Variants in DCP2 observed in about 807,000 individuals in gnomAD.
The protein encoded by DCP2 is m7GpppN-mRNA hydrolase.
DCP2 carries 30 observed loss-of-function variants against 56.1 expected under a neutral mutation model. That is an observed-to-expected ratio of 0.53 (90% CI 0.40 to 0.73). The LOEUF (loss-of-function observed/expected upper bound fraction) is 0.73, where lower values mean the gene tolerates loss of function less well. Among genes scored for constraint, DCP2 ranks in the 30% least tolerant of loss-of-function variants. The pLI, the probability that DCP2 is intolerant of heterozygous loss-of-function variation, is 0.00. For synonymous variants in DCP2, 197 were observed against 163.3 expected (o/e 1.21, Z -1.57); for missense variants, 533 against 502.7 (o/e 1.06, Z -0.58).
Position 113,008,049 on chromosome 5 carries a change from G to A in DCP2, c.1047+7G>A. On this transcript the variant is annotated splice_region_variant and intron_variant, in intron 9 of 10. Coordinates refer to ENST00000389063, the MANE Select transcript of DCP2 (RefSeq NM_152624.6). ...GCAGCAGAATTCTTTGATGGTAAGA[G>A]TTATAGCTGTCACACTAAGTAGGCA... is the stretch of plus-strand genomic sequence containing the variant. 5 of 1,610,422 alleles carry A rather than the reference G, an allele frequency of 3.1e-6. No individual in the cohort carries two copies. Among genetic ancestry groups the A allele is most frequent in the Non-Finnish European group, 4.2e-6 (5 of 1,177,120 alleles).
At chr5:112,991,328 G>A (rs1454020071) in intron 2 of DCP2, among the ~76,000 whole-genome samples, 1 of 152,126 alleles carries the variant, frequency 6.6e-6, no homozygotes, top group Non-Finnish European at 1.5e-5. Flanking sequence ...AAAATTAACA[G>A]TATTATAGTG....
chr5:112,977,047 A>G lies in DCP2; in HGVS notation c.53+61A>G, dbSNP rs1213873341. On this transcript the variant is annotated intron_variant, in intron 1 of 10. Transcript: ENST00000389063. ...GGTTTTCTCAGTTTCGCGGACCCCC[A>G]GAGGCCTCTGGGTCTTCTTCCCCGC... The G allele has an allele frequency of 1.5e-5, 20 of 1,376,230 alleles. No homozygotes were observed. In the Admixed American group the frequency reaches 4.0e-4, roughly 28 times the overall value. The allele number at this position is 1,376,230 out of a possible 1,614,324, so 85.3% of individuals were successfully genotyped here.
chr5:112,991,141 A>G (rs759202353), intron 2 of DCP2, among the ~76,000 whole-genome samples: 1 of 152,220 alleles, frequency 6.6e-6, no homozygotes. Flanking sequence ...ATCAAGTGGT[A>G]GTATTTGATA....
At chr5:112,992,465 G>T (rs1326472042) in intron 3 of DCP2, among the ~76,000 whole-genome samples, 1 of 151,860 alleles carries the variant, frequency 6.6e-6, no homozygotes, top group African/African-American at 2.4e-5. Context: ...TCGCTTAATT[G>T]TTGAAGACTT....
intron 1 of DCP2, chr5:112,984,722 A>T (rs112797352): frequency 3.4e-4 from 46 of 134,286 alleles, no homozygotes; most frequent in African/African-American, 1.2e-3. Context: ...ATATATATAT[A>T]TATTTGAGAC....
intron 8 of DCP2, 23 bp from the exon 9 acceptor site, chr5:113,007,910 CATATT>C (rs780517850): frequency 2.5e-6 from 4 of 1,582,448 alleles, no homozygotes; most frequent in Middle Eastern, 3.3e-4. Flanking sequence ...GCTATAGATT[CATATT>C]ATATTTCTTT....
intron 2 of DCP2, 59 bp from the exon 3 acceptor site, chr5:112,992,062 G>T: frequency 3.2e-6 from 5 of 1,583,316 alleles, no homozygotes; most frequent in Non-Finnish European, 4.3e-6. Flanking sequence ...GTCTCTTTCT[G>T]TATATAATTT....
At position 113,016,734 on chromosome 5, in the gene DCP2, TC is replaced by T. The variant is rs1396759620; in HGVS notation, c.*3252del. The T allele has an allele frequency of 6.6e-6, 1 of 152,100 alleles. No homozygotes were observed. The highest frequency in any genetic ancestry group is 1.9e-4 in the East Asian group (1 of 5,188). 9.4% of individuals were successfully genotyped at this position (152,100 alleles called of 1,614,324 possible). On this transcript the variant is annotated 3_prime_UTR_variant, in exon 11 of 11. Coordinates refer to ENST00000389063, the MANE Select transcript of DCP2 (RefSeq NM_152624.6). ...TACCTATTCTCTCATGGACTTCTCA[TC>T]CTTTCTTTTTTCATCTCCAACAGTT...
At chr5:112,978,204 T>C (rs1283585862) in intron 1 of DCP2, among the ~76,000 whole-genome samples, 2 of 152,180 alleles carry the variant, frequency 1.3e-5, no homozygotes, top group Non-Finnish European at 2.9e-5. Flanking sequence ...CTCGAACTTC[T>C]GACCTCGTGA....
rs1256553334 is a variant in DCP2 at position 113,001,425 on chromosome 5, T to G, written c.654T>G (p.Leu218=). The G allele has an allele frequency of 2.5e-6, 4 of 1,613,936 alleles. No homozygotes were observed. The Admixed American group carries it at 6.7e-5, about 27-fold the overall frequency. The change falls in exon 6 of 11, where the codon CTT becomes CTG. Residue 218 remains leucine (L), a synonymous_variant. Coordinates refer to ENST00000389063, the MANE Select transcript of DCP2 (RefSeq NM_152624.6). ...HRNDMTPKSK[L]GLAPNKFFMA... ...ATGATATGACCCCCAAATCCAAACT[T>G]GGTTTGGCACCTAACAAATTTTTTA...
chr5:113,000,997 TC>T, intron 4 of DCP2, 86 bp from the exon 5 acceptor site: 1 of 1,280,870 alleles, frequency 7.8e-7, no homozygotes, highest in Non-Finnish European at 1.1e-6. Flanking sequence ...GTCCCCTTTT[TC>T]TGAGTTTTTG....
At chr5:112,985,479 A>T (rs1023130454) in intron 1 of DCP2, among the ~76,000 whole-genome samples, 13 of 152,222 alleles carry the variant, frequency 8.5e-5, no homozygotes, top group African/African-American at 2.7e-4. Context: ...AAACATTTTA[A>T]AATTGTATGA....
rs2150185826 is a variant in DCP2 at position 113,003,845 on chromosome 5, TAAG to T, written c.807-94_807-92del. 5 of 1,376,028 alleles carry T rather than the reference TAAG, an allele frequency of 3.6e-6. No individual in the cohort carries two copies. The African/African-American group carries it at 7.2e-5, about 20-fold the overall frequency. The allele number at this position is 1,376,028 out of a possible 1,614,324, so 85.2% of individuals were successfully genotyped here. A position where few individuals can be genotyped will look rare whatever the true frequency, so the allele number is the denominator to read the frequency against. Reference sequence around the variant, plus strand: ...TCCAGTGGGGAAGATAGACAGTAAATAAGAAAATATGTAGTCTATAAATTTAAC... The same window carrying T: ...TCCAGTGGGGAAGATAGACAGTAAATAAAATATGTAGTCTATAAATTTAAC... On this transcript the variant is annotated intron_variant, in intron 7 of 10. Transcript: ENST00000389063.
intron 9 of DCP2, among the ~76,000 whole-genome samples, chr5:113,010,004 C>A (rs1749610097): frequency 7.0e-6 from 1 of 142,016 alleles, no homozygotes; most frequent in African/African-American, 2.6e-5. Flanking sequence ...CCTTGAACTT[C>A]TGGGCTCAAG....
intron 1 of DCP2, among the ~76,000 whole-genome samples, chr5:112,979,394 CTT>C (rs993404827): frequency 7.9e-5 from 12 of 151,294 alleles, no homozygotes; most frequent in East Asian, 3.9e-4. Context: ...TAGACTAAAA[CTT>C]TTTTTTTACA....
In DCP2 at chr5:113,013,972, C is replaced by T. The variant is rs1749783900; in HGVS notation, c.*488C>T. On this transcript the variant is annotated 3_prime_UTR_variant, in exon 11 of 11. Transcript: ENST00000389063. ...TGATCTATTTTGGTGGCATTTTGTA[C>T]TTCTCTCTGCTTCTAACCACTGAGG... 6.6e-6 allele frequency: 1 copy of T among 152,598 alleles called. No individual in the cohort carries two copies. The allele number at this position is 152,598 out of a possible 1,614,324, so 9.5% of individuals were successfully genotyped here. A position where few individuals can be genotyped will look rare whatever the true frequency, so the allele number is the denominator to read the frequency against.
intron 8 of DCP2, 113 bp downstream of exon 8, chr5:113,004,190 C>A: frequency 8.2e-7 from 1 of 1,222,464 alleles, no homozygotes; most frequent in Non-Finnish European, 1.1e-6. Flanking sequence ...AGTTACTGAT[C>A]AAAGCCTGTA....
intron 4 of DCP2, among the ~76,000 whole-genome samples, chr5:112,996,142 C>T (rs527608319): frequency 2.2e-4 from 34 of 152,248 alleles, no homozygotes; most frequent in African/African-American, 8.2e-4. Context: ...TAATTTAGTC[C>T]ATAGCAGTGG....
chr5:113,010,076 A>C (rs1380403555), intron 9 of DCP2, among the ~76,000 whole-genome samples: 1 of 142,302 alleles, frequency 7.0e-6, no homozygotes, highest in Non-Finnish European at 1.5e-5. Flanking sequence ...TCTGTCACCC[A>C]GGCTGAAATG....
Sources: allele counts gnomAD v4.1 joint callset (sites outside exome capture counted in the v4.1 genomes callset), GRCh38; gene constraint gnomAD v4.1.1; transcripts MANE v1.5; gene names NCBI Gene and HGNC (gene_info 2026-07-23, HGNC 2026-07-21).